The following RASSF5 variants were observed in gnomAD, a reference collection of about 807,000 sequenced individuals.
RASSF5 encodes Ras association domain family member 5.
Under a neutral mutation model 40.5 loss-of-function variants are expected in RASSF5, and 25 were observed. The observed-to-expected ratio is 0.62, with a 90% CI of 0.45 to 0.86. The LOEUF is 0.86. Ranked by LOEUF, RASSF5 falls within the 40% of genes least tolerant of loss-of-function variation. The pLI is 0.00. For synonymous variants in RASSF5, 246 were observed against 252.4 expected (o/e 0.97, Z 0.24); for missense variants, 521 against 572.8 (o/e 0.91, Z 0.92).
In RASSF5 at chr1:206,584,033, C is replaced by G. The variant is rs935885291; in HGVS notation, c.691-354C>G. On this transcript the variant is annotated intron_variant, in intron 3 of 5. Transcript: ENST00000579436. This position sits in a 1 kb window ranked among gnomAD's most constrained non-coding sequence, Gnocchi z 4.9. ...CCTCATTATAGAGCCTTCCTGCTTC[C>G]TGCCTGGTTCAGAGGTACAAACTAG... is the stretch of plus-strand genomic sequence containing the variant. 6.6e-6 allele frequency among the ~76,000 whole-genome samples: 1 copy of G among 152,194 alleles called. No individual in the cohort carries two copies. The highest frequency in any genetic ancestry group is 2.1e-4 in the South Asian group (1 of 4,826).
intron 1 of RASSF5, among the ~76,000 whole-genome samples, chr1:206,514,067 C>T (rs1024448302): frequency 1.3e-5 from 2 of 152,222 alleles, no homozygotes; most frequent in African/African-American, 4.8e-5. Context: ...AAGGCCATGC[C>T]GGGCCTGTTC....
intron 1 of RASSF5, chr1:206,518,535 AGGGCTCGG>A: frequency 2.5e-6 from 1 of 398,162 alleles, no homozygotes. Context: ...CGGGGCCCGG[AGGGCTCGG>A]GGTAGGTCTA....
chr1:206,557,823 C>A, intron 2 of RASSF5: 1 of 965,000 alleles, frequency 1.0e-6, no homozygotes, highest in Middle Eastern at 2.8e-4. Context: ...GGCAGTTGCC[C>A]TGAGGGCTGA....
At chr1:206,515,719 T>A (rs1039770852) in intron 1 of RASSF5, among the ~76,000 whole-genome samples, 10 of 152,346 alleles carry the variant, frequency 6.6e-5, no homozygotes, top group African/African-American at 2.4e-4. Flanking sequence ...ACTCTCTATA[T>A]TTCTCCAGGT....
At chr1:206,545,524 A>G (rs555356139) in intron 2 of RASSF5, among the ~76,000 whole-genome samples, 16,297 of 149,368 alleles carry the variant, frequency 0.11, 1,656 homozygotes, top group African/African-American at 0.28. Flanking sequence ...GAGTTTTTTT[A>G]TAGAGATGGG....
At position 206,531,064 on chromosome 1, in the gene RASSF5, C is replaced by G. The variant is rs147089065; in HGVS notation, c.458-7108C>G. ...GTTGTGTTGTTATTTACATAACATT[C>G]TCATTTGATTCTCAACAACCGTACT... On this transcript the variant is annotated intron_variant, in intron 1 of 5. Transcript: ENST00000579436. The surrounding 1 kb of genome is among the most constrained non-coding windows in gnomAD (Gnocchi z 4.7). Among the ~76,000 whole-genome samples, 1 of 152,338 alleles carries G rather than the reference C, an allele frequency of 6.6e-6. No individual in the cohort carries two copies. Among genetic ancestry groups the G allele is most frequent in the Non-Finnish European group, 1.5e-5 (1 of 68,036 alleles).
intron 2 of RASSF5, among the ~76,000 whole-genome samples, chr1:206,574,129 T>C (rs1668549633): frequency 6.6e-6 from 1 of 152,242 alleles, no homozygotes; most frequent in Non-Finnish European, 1.5e-5. Context: ...TTCCCTGGTA[T>C]AACCCACTCT....
chr1:206,578,872 G>C (rs1170768790), intron 2 of RASSF5, among the ~76,000 whole-genome samples: 2 of 152,182 alleles, frequency 1.3e-5, no homozygotes, highest in Admixed American at 6.5e-5. Context: ...TCATTGATTA[G>C]AGTGCAGAAG....
intron 1 of RASSF5, chr1:206,529,546 C>T: frequency 2.0e-6 from 2 of 992,708 alleles, no homozygotes; most frequent in South Asian, 1.3e-5. Flanking sequence ...GACAAGGGCG[C>T]TTTGGCTAAG....
At chr1:206,534,798 G>A (rs1553398430) in intron 1 of RASSF5, among the ~76,000 whole-genome samples, 3 of 152,168 alleles carry the variant, frequency 2.0e-5, no homozygotes, top group Admixed American at 6.5e-5. Context: ...CACAGAGCAC[G>A]AGGAAGCCCC....
chr1:206,530,063 T>A (rs1019610498), intron 1 of RASSF5, among the ~76,000 whole-genome samples: 25 of 152,214 alleles, frequency 1.6e-4, no homozygotes, highest in African/African-American at 6.0e-4. Context: ...CATCACAGTG[T>A]GGGTACGTGA....
At chr1:206,508,155 A>C in intron 1 of RASSF5, 96 bp downstream of exon 1, 1 of 962,772 alleles carries the variant, frequency 1.0e-6, no homozygotes, top group Non-Finnish European at 1.4e-6. Flanking sequence ...GGGCCATTAC[A>C]CTCTTTGGCT....
intron 1 of RASSF5, among the ~76,000 whole-genome samples, chr1:206,508,678 C>G (rs1553394238): frequency 6.6e-6 from 1 of 152,088 alleles, no homozygotes; most frequent in Non-Finnish European, 1.5e-5. Context: ...TCACCTCTGG[C>G]CCCTCAAACC....
chr1:206,567,158 C>T (rs1410539299), intron 2 of RASSF5, among the ~76,000 whole-genome samples: 2 of 152,160 alleles, frequency 1.3e-5, no homozygotes, highest in African/African-American at 2.4e-5. Flanking sequence ...CAGCTGTTTG[C>T]GCTGGAGGAA....
chr1:206,578,068 A>AT (rs1325031650), intron 2 of RASSF5, among the ~76,000 whole-genome samples: 11 of 133,494 alleles, frequency 8.2e-5, no homozygotes, highest in African/African-American at 1.6e-4. Context: ...CTACAAAAAA[A>AT]TAAAAAAAAT....
In RASSF5 at chr1:206,518,019, G is replaced by A. The variant is rs116612282; in HGVS notation, c.457+9960G>A. 5.6e-3 allele frequency among the ~76,000 whole-genome samples: 853 copies of A among 152,320 alleles called. 7 individuals carry two copies. The highest frequency in any genetic ancestry group is 0.019 in the African/African-American group (796 of 41,564). On this transcript the variant is annotated intron_variant, in intron 1 of 5. Transcript: ENST00000579436. Reference sequence around the variant, plus strand: ...ATTAACGAGCTCCTGGGCTGGGCACGTGGTGTGAGGTAACCGATCACTTCT... The same window carrying A: ...ATTAACGAGCTCCTGGGCTGGGCACATGGTGTGAGGTAACCGATCACTTCT...
At chr1:206,518,261 G>C (rs1666811388) in intron 1 of RASSF5, 1 of 395,632 alleles carries the variant, frequency 2.5e-6, no homozygotes, top group East Asian at 3.6e-5. Context: ...GAGGGTACCA[G>C]AGCCTGAGGG....
At chr1:206,580,985 G>A (rs1259339277) in intron 2 of RASSF5, 2 of 152,276 alleles carry the variant, frequency 1.3e-5, no homozygotes, top group Non-Finnish European at 2.9e-5. Flanking sequence ...CAGAGTTTCA[G>A]TGATCATTAT....
chr1:206,544,889 C>T (rs1667638459), intron 2 of RASSF5: 1 of 151,206 alleles, frequency 6.6e-6, no homozygotes, highest in Non-Finnish European at 1.5e-5. Context: ...TTTCCAGACC[C>T]TTGAGAAAAA....
Sources: gnomAD v4.1 joint callset for allele counts (sites outside exome capture counted in the v4.1 genomes callset) on GRCh38, gnomAD v4.1.1 for gene constraint, Gnocchi (gnomAD v3.1) non-coding constraint, MANE v1.5 for transcripts, NCBI Gene and HGNC (gene_info 2026-07-23, HGNC 2026-07-21) for gene names.